Variants in ACSS1 observed in about 807,000 individuals in gnomAD.
ACSS1 encodes acyl-CoA synthetase short chain family member 1.
In ACSS1, 42 loss-of-function variants were observed where a neutral mutation model predicts 75.3. That is an observed-to-expected ratio of 0.56 (90% CI 0.44 to 0.72). ACSS1 has a LOEUF of 0.72. Ranked by LOEUF, ACSS1 falls within the 30% of genes least tolerant of loss-of-function variation. ACSS1 has a pLI of 0.00. For missense variants in ACSS1, 782 were observed against 935.7 expected, an observed-to-expected ratio of 0.84 and a Z score of 2.14; for synonymous variants, 380 against 376.8, an observed-to-expected ratio of 1.01 and a Z score of -0.10.
rs972498531 is a variant in ACSS1, at chr20:25,020,077, C to T, written c.1179G>A (p.Leu393=). The T allele has an allele frequency of 1.2e-6, 2 of 1,614,126 alleles. No individual in the cohort carries two copies. Among genetic ancestry groups the T allele is most frequent in the Admixed American group, 1.7e-5 (1 of 60,012 alleles). Residue 393 remains leucine, a synonymous_variant, in exon 7 of 14, where the codon CTG becomes CTA. Coordinates refer to ENST00000323482, the MANE Select transcript of ACSS1 (RefSeq NM_032501.4). ...QFYGAPTAVR[L]LLKYGDAWVK... ...CCCAGGCATCACCGTATTTCAGCAA[C>T]AGCCGGACAGCCGTTGGGGCGCCAT...
chr20:25,046,776 C>A, intron 2 of ACSS1: 1 of 779,434 alleles, frequency 1.3e-6, no homozygotes, highest in Non-Finnish European at 2.4e-6. Flanking sequence ...TGTGCAGGGG[C>A]CACCTGGGGG....
intron 4 of ACSS1, among the ~76,000 whole-genome samples, 177 bp from the exon 5 acceptor site, chr20:25,023,269 G>C (rs1311145135): frequency 6.6e-6 from 1 of 152,128 alleles, no homozygotes; most frequent in East Asian, 1.9e-4. Flanking sequence ...GCAAGCATTT[G>C]TGTTACAGTA....
At position 25,013,629 on chromosome 20, in the gene ACSS1, C is replaced by T. The variant is rs1305745541; in HGVS notation, c.1486G>A (p.Ala496Thr). The change falls in exon 10 of 14, where the codon GCC (alanine) becomes ACC (threonine). Residue 496 changes from alanine (A) to threonine (T), a missense_variant. By Grantham distance (58) the Ala-to-Thr change is moderately conservative. Around this residue, in one of 2 missense-constraint regions of ACSS1, gnomAD observed 405 missense variants for 552.6 expected, o/e 0.73. Coordinates refer to ENST00000323482, the MANE Select transcript of ACSS1 (RefSeq NM_032501.4). The stretch of plus-strand genomic sequence containing the variant: ...GGCCAGGCCTGGGAGATGCACAGGG[C>T]CCCGGAGACGTTGCTGCCCTCCACG... ...SVVEGSNVSG[A>T]LCISQAWPGM... 1.9e-6 allele frequency: 3 copies of T among 1,608,012 alleles called. No homozygotes were observed. The highest frequency in any genetic ancestry group is 1.3e-5 in the African/African-American group (1 of 74,530).
chr20:25,013,314 A>G (rs2088449417), intron 10 of ACSS1, among the ~76,000 whole-genome samples: 1 of 152,212 alleles, frequency 6.6e-6, no homozygotes, highest in South Asian at 2.1e-4. Context: ...AAGTAGCCCC[A>G]AGAAAGTCCC....
Position 25,046,659 on chromosome 20 carries a change from C to T in ACSS1, c.431+1426G>A, listed in dbSNP as rs1265246894. 9.6e-6 allele frequency: 6 copies of T among 627,906 alleles called. No individual in the cohort carries two copies. In the East Asian group the frequency reaches 1.4e-4, roughly 14 times the overall value. The allele number at this position is 627,906 out of a possible 1,614,324, so 38.9% of individuals were successfully genotyped here. ...AGAACTACTCCAGGGGCAGCAGCCT[C>T]AAGTTCCTTCTCAGAAGGGGCTTTG... On this transcript the variant is annotated intron_variant, in intron 2 of 13. Transcript: ENST00000323482.
intron 7 of ACSS1, among the ~76,000 whole-genome samples, chr20:25,017,574 C>A (rs1425439305): frequency 6.6e-6 from 1 of 152,216 alleles, no homozygotes. Context: ...CGGCTAGAAC[C>A]GGTTATGCAA....
intron 12 of ACSS1, chr20:25,011,188 A>C (rs2088401620): frequency 6.6e-6 from 1 of 152,324 alleles, no homozygotes; most frequent in East Asian, 1.9e-4. Flanking sequence ...ACCATGCCCC[A>C]ACACCACCCC....
chr20:25,014,108 C>T, intron 8 of ACSS1, 35 bp from the exon 9 acceptor site: 7 of 1,531,944 alleles, frequency 4.6e-6, no homozygotes, highest in Non-Finnish European at 6.2e-6. Context: ...GCATAATCGG[C>T]CCCGGACCCA....
At chr20:25,014,369 T>G (rs1373393311) in intron 8 of ACSS1, among the ~76,000 whole-genome samples, 1 of 152,138 alleles carries the variant, frequency 6.6e-6, no homozygotes, top group Non-Finnish European at 1.5e-5. Context: ...CACTTGCACA[T>G]GAAGACGGAG....
chr20:25,051,207 C>G (rs948854150), intron 1 of ACSS1, among the ~76,000 whole-genome samples: 1 of 152,192 alleles, frequency 6.6e-6, no homozygotes, highest in African/African-American at 2.4e-5. Flanking sequence ...CCAGACCCTG[C>G]GCATCCCCCA....
chr20:25,057,049 A>T (rs963918180), intron 1 of ACSS1, among the ~76,000 whole-genome samples: 2 of 152,170 alleles, frequency 1.3e-5, no homozygotes, highest in African/African-American at 4.8e-5. Flanking sequence ...CAAACAACTG[A>T]CCACCAGTCA....
At chr20:25,010,596 A>T (rs563870782) in intron 12 of ACSS1, 1 of 152,390 alleles carries the variant, frequency 6.6e-6, no homozygotes, top group African/African-American at 2.4e-5. Context: ...AATCTAGTTT[A>T]TGGCACATGC....
intron 9 of ACSS1, 129 bp downstream of exon 9, chr20:25,013,832 G>C (rs2088465921): frequency 7.5e-7 from 1 of 1,326,258 alleles, no homozygotes. Flanking sequence ...ACCAGCTGCA[G>C]TGAACGCTGC....
At chr20:25,022,325 C>T (rs2088637297) in intron 5 of ACSS1, among the ~76,000 whole-genome samples, 1 of 152,178 alleles carries the variant, frequency 6.6e-6, no homozygotes, top group Admixed American at 6.5e-5. Context: ...CACACCACTG[C>T]ACTCTAACCT....
rs577112723 is a variant in ACSS1 at position 25,029,916 on chromosome 20, T to C, written c.631+843A>G. ...AAAGGACATAACCTTTGTAGAGTGC[T>C]TAGAACAGTGCCTGGTACACAGTTG... is the stretch of plus-strand genomic sequence containing the variant. On this transcript the variant is annotated intron_variant, in intron 3 of 13. Transcript: ENST00000323482. Among the ~76,000 whole-genome samples the C allele has an allele frequency of 7.9e-5, 12 of 152,350 alleles. No homozygotes were observed. In the South Asian group the frequency reaches 2.5e-3, roughly 32 times the overall value.
intron 2 of ACSS1, among the ~76,000 whole-genome samples, chr20:25,037,622 T>C (rs1462013859): frequency 2.0e-5 from 3 of 152,200 alleles, no homozygotes; most frequent in African/African-American, 7.2e-5. Flanking sequence ...TGAAAGGACA[T>C]TCCTATGCTG....
At chr20:25,039,262 T>G (rs2088963912) in intron 2 of ACSS1, among the ~76,000 whole-genome samples, 1 of 152,176 alleles carries the variant, frequency 6.6e-6, no homozygotes, top group Non-Finnish European at 1.5e-5. Flanking sequence ...AGGGCAGGAT[T>G]CAAACCCAGG....
At position 25,057,873 on chromosome 20, in the gene ACSS1, G is replaced by A. The variant is rs778255892; in HGVS notation, c.230C>T (p.Ala77Val). The stretch of plus-strand genomic sequence containing the variant: ...GGTGTCCCACACGAGAGTGTCCCGC[G>A]CCAGAGGCCCCCAGAAGGCGGCCGG... ...REPAAFWGPLARDTLVWDTPY... is the reference protein window; with the variant it reads ...REPAAFWGPLVRDTLVWDTPY... Residue 77 changes from alanine to valine, a missense_variant, in exon 1 of 14, where the codon GCG (alanine) becomes GTG (valine). Physicochemically the swap from Ala to Val is moderately conservative, Grantham distance 64. Transcript: ENST00000323482. 2 of 1,612,654 alleles carry A rather than the reference G, an allele frequency of 1.2e-6. No individual in the cohort carries two copies. Among genetic ancestry groups the A allele is most frequent in the East Asian group, 2.2e-5 (1 of 44,800 alleles).
In ACSS1 at chr20:25,032,574, G is replaced by A. The variant is rs1362491326; in HGVS notation, c.432-1616C>T. On this transcript the variant is annotated intron_variant, in intron 2 of 13. Transcript: ENST00000323482. ...AAGCCAAGGCCCTTTCTCTCTGGGC[G>A]GGGCAGACCACCAGCCCGCGACCCC... is the stretch of plus-strand genomic sequence containing the variant. The A allele has an allele frequency of 8.0e-6, 10 of 1,244,850 alleles. No homozygotes were observed. In the African/African-American group the frequency reaches 9.2e-5, roughly 12 times the overall value. 77.1% of individuals were successfully genotyped at this position (1,244,850 alleles called of 1,614,324 possible).
Sources: gnomAD v4.1 joint callset for allele counts (sites outside exome capture counted in the v4.1 genomes callset) on GRCh38, gnomAD v4.1.1 for gene constraint, gnomAD v4.1.1 regional missense constraint, MANE v1.5 for transcripts, NCBI Gene and HGNC (gene_info 2026-07-23, HGNC 2026-07-21) for gene names.